PPFIBP1: variants seen among roughly 807,000 people sequenced by gnomAD.
PPFIBP1 encodes liprin-beta-1.
Under a neutral mutation model 137.8 loss-of-function variants are expected in PPFIBP1, and 112 were observed. The ratio of observed to expected loss-of-function variants is 0.81; its 90% confidence interval spans 0.70 to 0.95. The LOEUF (loss-of-function observed/expected upper bound fraction) is 0.95. Ranked by LOEUF, PPFIBP1 falls within the 40% of genes least tolerant of loss-of-function variation. The pLI is 0.00. For synonymous variants in PPFIBP1, 378 were observed against 417.3 expected (o/e 0.91, Z 1.15); for missense variants, 1,083 against 1,196.6 (o/e 0.91, Z 1.40).
chr12:27,630,949 T>A (rs759461931), intron 2 of PPFIBP1, among the ~76,000 whole-genome samples: 1 of 152,182 alleles, frequency 6.6e-6, no homozygotes, highest in Non-Finnish European at 1.5e-5. Context: ...TTACTGCCTT[T>A]GGATTTAATA....
intron 2 of PPFIBP1, among the ~76,000 whole-genome samples, chr12:27,607,198 T>C (rs1057039321): frequency 4.6e-5 from 7 of 152,210 alleles, no homozygotes; most frequent in African/African-American, 1.4e-4. Context: ...CATGCTAACG[T>C]AACTTACAAG....
chr12:27,617,103 G>A (rs1369933817), intron 2 of PPFIBP1, among the ~76,000 whole-genome samples: 5 of 152,066 alleles, frequency 3.3e-5, no homozygotes, highest in Non-Finnish European at 7.4e-5. Context: ...ATTCTTTAAC[G>A]GAGGGCAGGA....
chr12:27,659,992 A>G (rs1291994116), intron 10 of PPFIBP1, among the ~76,000 whole-genome samples: 1 of 150,432 alleles, frequency 6.6e-6, no homozygotes, highest in African/African-American at 2.5e-5. Flanking sequence ...GAAGCAGGCA[A>G]CTTTAGCTGA....
chr12:27,556,414 G>T (rs1414929107), intron 1 of PPFIBP1, among the ~76,000 whole-genome samples: 3 of 152,220 alleles, frequency 2.0e-5, no homozygotes, highest in African/African-American at 7.2e-5. Context: ...CCAAACAGGA[G>T]CTATCATGGT....
chr12:27,687,595 A>C (rs1053627146), intron 25 of PPFIBP1, 88 bp downstream of exon 25: 80 of 1,439,866 alleles, frequency 5.6e-5, no homozygotes, highest in Non-Finnish European at 1.1e-5. Context: ...TTTTTCTTGG[A>C]GCCTGCAGGA....
At chr12:27,530,852 G>A (rs1056862654) in intron 1 of PPFIBP1, among the ~76,000 whole-genome samples, 2 of 152,192 alleles carry the variant, frequency 1.3e-5, no homozygotes, top group South Asian at 2.1e-4. Flanking sequence ...AAGTAAGCAG[G>A]CCATCGCGTG....
chr12:27,670,375 CTT>C (rs1448070563), intron 13 of PPFIBP1, among the ~76,000 whole-genome samples: 4 of 152,170 alleles, frequency 2.6e-5, no homozygotes, highest in Non-Finnish European at 5.9e-5. Flanking sequence ...TTTAATTACA[CTT>C]TTCATCAATT....
At chr12:27,526,086 T>C (rs778869841) in intron 1 of PPFIBP1, among the ~76,000 whole-genome samples, 1 of 152,240 alleles carries the variant, frequency 6.6e-6, no homozygotes, top group Non-Finnish European at 1.5e-5. Flanking sequence ...TTTTCCAGTG[T>C]ACTTTTTCAG....
chr12:27,656,806 A>T (rs1433177826), intron 9 of PPFIBP1, 76 bp downstream of exon 9: 2 of 994,932 alleles, frequency 2.0e-6, no homozygotes, highest in East Asian at 4.9e-5. Context: ...ACCAATGAAA[A>T]TCAATGTGTA....
intron 2 of PPFIBP1, among the ~76,000 whole-genome samples, chr12:27,601,132 A>C (rs2053941338): frequency 6.6e-6 from 1 of 152,202 alleles, no homozygotes; most frequent in Non-Finnish European, 1.5e-5. Context: ...TTTACTCCCC[A>C]AAATGGTAAA....
At chr12:27,679,819 G>A in intron 20 of PPFIBP1, 114 bp from the exon 21 acceptor site, 1 of 1,425,164 alleles carries the variant, frequency 7.0e-7, no homozygotes, top group South Asian at 1.4e-5. Flanking sequence ...AAATGTCTAT[G>A]TTAACAACAC....
intron 2 of PPFIBP1, among the ~76,000 whole-genome samples, chr12:27,621,372 C>G (rs543507425): frequency 6.6e-6 from 1 of 152,316 alleles, no homozygotes; most frequent in African/African-American, 2.4e-5. Flanking sequence ...CATTACTCCT[C>G]CCTTCAGCCA....
At chr12:27,680,260 G>A (rs1593342095) in intron 21 of PPFIBP1, among the ~76,000 whole-genome samples, 199 bp downstream of exon 21, 1 of 152,210 alleles carries the variant, frequency 6.6e-6, no homozygotes, top group Non-Finnish European at 1.5e-5. Flanking sequence ...GTGCGAACTA[G>A]GGGAGAGGCC....
At chr12:27,558,253 T>TG (rs2136317684) in intron 1 of PPFIBP1, among the ~76,000 whole-genome samples, 1 of 112,026 alleles carries the variant, frequency 8.9e-6, no homozygotes, top group Non-Finnish European at 2.0e-5. Flanking sequence ...AAAGACCTTC[T>TG]GGGTTTTTTT....
chr12:27,614,840 G>C (rs1394758104), intron 2 of PPFIBP1, among the ~76,000 whole-genome samples: 1 of 152,042 alleles, frequency 6.6e-6, no homozygotes, highest in African/African-American at 2.4e-5. Context: ...TAAATGTTAG[G>C]GTGATTTATT....
rs186473431 is a variant in PPFIBP1 at position 27,598,406 on chromosome 12, G to A, written c.-36+20167G>A. Among the ~76,000 whole-genome samples the A allele has an allele frequency of 4.3e-3, 661 of 152,162 alleles. 4 individuals are homozygous for A. Among genetic ancestry groups the A allele is most frequent in the African/African-American group, 0.015 (633 of 41,494 alleles). ...TATTCACTGTCATGAGAACAGCGTGGGAAAGACCCACCCCCCATGATTCAA... is the reference window on the plus strand; with the variant it reads ...TATTCACTGTCATGAGAACAGCGTGAGAAAGACCCACCCCCCATGATTCAA... On this transcript the variant is annotated intron_variant, in intron 2 of 29. Transcript: ENST00000228425.
At chr12:27,619,727 A>G (rs1044117061) in intron 2 of PPFIBP1, among the ~76,000 whole-genome samples, 11 of 152,160 alleles carry the variant, frequency 7.2e-5, no homozygotes, top group Non-Finnish European at 1.2e-4. Context: ...GGCAATAGAA[A>G]CGTTGCTGTC....
intron 2 of PPFIBP1, among the ~76,000 whole-genome samples, chr12:27,615,209 T>G (rs143164262): frequency 7.9e-4 from 120 of 152,318 alleles, no homozygotes; most frequent in African/African-American, 2.6e-3. Flanking sequence ...CTTTACAAAA[T>G]CCAGGAAATT....
intron 1 of PPFIBP1, among the ~76,000 whole-genome samples, chr12:27,562,780 G>A (rs76142326): frequency 0.024 from 3,627 of 152,218 alleles, 66 homozygotes; most frequent in Middle Eastern, 0.037. Context: ...CTTCTGAACC[G>A]CAATGTTGTT....
Sources: gnomAD v4.1 joint callset for allele counts (sites outside exome capture counted in the v4.1 genomes callset) on GRCh38, gnomAD v4.1.1 for gene constraint, MANE v1.5 for transcripts, NCBI Gene and HGNC (gene_info 2026-07-23, HGNC 2026-07-21) for gene names.